The following SAMD11 variants were observed in gnomAD, a reference collection of about 807,000 sequenced individuals.
The protein encoded by SAMD11 is sterile alpha motif domain-containing protein 11.
In SAMD11, 77 loss-of-function variants were observed where a neutral mutation model predicts 64.4. The observed-to-expected ratio is 1.20, with a 90% CI of 0.99 to 1.44. The LOEUF (loss-of-function observed/expected upper bound fraction) is 1.44. SAMD11 is among the 40% of genes most tolerant of loss of function. The pLI is 0.00. For synonymous variants in SAMD11, 658 were observed against 421.9 expected (o/e 1.56, Z -6.86); for missense variants, 1,402 against 943.3 (o/e 1.49, Z -6.37).
At chr1:925,640 C>A in intron 1 of SAMD11, 2 of 349,932 alleles carry the variant, frequency 5.7e-6, no homozygotes, top group South Asian at 6.3e-5. Context: ...TCCCTCGGGG[C>A]CGGGGAGAGG....
At chr1:942,112 CG>C in intron 8 of SAMD11, 23 bp from the exon 9 acceptor site, 1 of 781,602 alleles carries the variant, frequency 1.3e-6, no homozygotes, top group Non-Finnish European at 1.9e-6. Flanking sequence ...GGGGGGACGC[CG>C]CTCATTGCGC....
rs775986332 is a variant in SAMD11, at chr1:942,279, G to C, written c.1474+28G>C. On this transcript the variant is annotated intron_variant, in intron 9 of 13. Transcript: ENST00000616016. Reference sequence around the variant, plus strand: ...GAGGAGGCGGGTGCGCATCCCCTGGGAGCCCGCGTGGAGGCTCGCGGACCC... The same window carrying C: ...GAGGAGGCGGGTGCGCATCCCCTGGCAGCCCGCGTGGAGGCTCGCGGACCC... 13 of 1,054,722 alleles carry C rather than the reference G, an allele frequency of 1.2e-5. No individual in the cohort carries two copies. The African/African-American group carries it at 2.2e-4, about 18-fold the overall frequency. 65.3% of individuals were successfully genotyped at this position (1,054,722 alleles called of 1,614,324 possible).
At chr1:937,080 C>T (rs1641495597) in intron 5 of SAMD11, among the ~76,000 whole-genome samples, 1 of 152,142 alleles carries the variant, frequency 6.6e-6, no homozygotes, top group African/African-American at 2.4e-5. Flanking sequence ...CCTCACGTGT[C>T]CTGGACCCGT....
At chr1:941,368 C>G in intron 8 of SAMD11, 62 bp downstream of exon 8, 1 of 1,418,272 alleles carries the variant, frequency 7.1e-7, no homozygotes, top group Non-Finnish European at 9.3e-7. Flanking sequence ...CCCGCGCTCT[C>G]AGCCACCAGC....
rs374724433 is a variant in SAMD11 at position 931,099 on chromosome 1, G to A, written c.842+10G>A. ...GAGAGGCGTCCTGCAGGTAGGAGCC[G>A]TGCTGTGCGTGCATAAGAGGGGGCC... On this transcript the variant is annotated intron_variant, in intron 4 of 13. Coordinates refer to ENST00000616016, the MANE Select transcript of SAMD11 (RefSeq NM_001385641.1). 65 of 1,611,034 alleles carry A rather than the reference G, an allele frequency of 4.0e-5. No individual in the cohort carries two copies. The highest frequency in any genetic ancestry group is 1.5e-4 in the African/African-American group (11 of 74,902).
intron 4 of SAMD11, among the ~76,000 whole-genome samples, chr1:931,452 A>C (rs935113194): frequency 1.6e-4 from 25 of 152,256 alleles, no homozygotes; most frequent in African/African-American, 6.0e-4. Flanking sequence ...ACCCTCCTAG[A>C]GACCCACAAG....
At chr1:940,647 C>T (rs1275617322) in intron 7 of SAMD11, among the ~76,000 whole-genome samples, 1 of 151,982 alleles carries the variant, frequency 6.6e-6, no homozygotes, top group Non-Finnish European at 1.5e-5. Context: ...CCTGCGCAGC[C>T]GGGACTGGGC....
intron 7 of SAMD11, 115 bp downstream of exon 7, chr1:939,527 G>GT: frequency 1.3e-6 from 2 of 1,536,626 alleles, no homozygotes; most frequent in South Asian, 2.5e-5. Context: ...GGCCATTCCT[G>GT]TTGCTGAGGC....
At chr1:930,434 C>T (rs1343302514) in intron 3 of SAMD11, 98 bp downstream of exon 3, 1 of 1,293,204 alleles carries the variant, frequency 7.7e-7, no homozygotes, top group African/African-American at 1.5e-5. Context: ...CACCGGCCTC[C>T]CACACCTTCC....
intron 8 of SAMD11, among the ~76,000 whole-genome samples, chr1:941,850 C>A (rs990281848): frequency 6.6e-6 from 1 of 152,160 alleles, no homozygotes; most frequent in African/African-American, 2.4e-5. Context: ...CCCCGCTTCC[C>A]CCGCCGCTCG....
Position 940,605 on chromosome 1 carries a change from T to C in SAMD11, c.1196-539T>C, listed in dbSNP as rs113591768. ...CTTAGACGCGGGCGCTGCGTGCGCA[T>C]TGGGGCGAGTGTGGCCACGCGGGAC... On this transcript the variant is annotated intron_variant, in intron 7 of 13. Coordinates refer to ENST00000616016, the MANE Select transcript of SAMD11 (RefSeq NM_001385641.1). 1,290 of 152,424 alleles carry C rather than the reference T, an allele frequency of 8.5e-3. 15 individuals carry two copies. The highest frequency in any genetic ancestry group is 0.028 in the African/African-American group (1,174 of 41,492). 9.4% of individuals were successfully genotyped at this position (152,424 alleles called of 1,614,324 possible). A position where few individuals can be genotyped will look rare whatever the true frequency, so the allele number is the denominator to read the frequency against.
chr1:943,396 T>G lies in SAMD11; in HGVS notation c.2178+19T>G. On this transcript the variant is annotated intron_variant, in intron 12 of 13. Coordinates refer to ENST00000616016, the MANE Select transcript of SAMD11 (RefSeq NM_001385641.1). ...CACTCGGGTAAGGGGGGGCCCCAGT[T>G]CCTGGGGCGGGGCTGGAGCTGGCTG... The G allele has an allele frequency of 6.6e-7, 1 of 1,513,430 alleles. No individual in the cohort carries two copies. Among genetic ancestry groups the G allele is most frequent in the Non-Finnish European group, 8.9e-7 (1 of 1,125,760 alleles). The allele number at this position is 1,513,430 out of a possible 1,614,324, so 93.8% of individuals were successfully genotyped here. A position where few individuals can be genotyped will look rare whatever the true frequency, so the allele number is the denominator to read the frequency against.
In SAMD11 at chr1:939,207, G is replaced by A. The variant is rs1209560284; in HGVS notation, c.1058-68G>A. Reference sequence around the variant, plus strand: ...TGAGGGTCCCCTGGACCTCGAGCAGGCACTCTAGAGGGGCGTGGTCCTCGG... The same window carrying A: ...TGAGGGTCCCCTGGACCTCGAGCAGACACTCTAGAGGGGCGTGGTCCTCGG... On this transcript the variant is annotated intron_variant, in intron 6 of 13. Coordinates refer to ENST00000616016, the MANE Select transcript of SAMD11 (RefSeq NM_001385641.1). 9.0e-6 allele frequency: 14 copies of A among 1,552,696 alleles called. No individual in the cohort carries two copies. The African/African-American group carries it at 1.8e-4, about 20-fold the overall frequency.
intron 5 of SAMD11, among the ~76,000 whole-genome samples, chr1:937,554 G>T (rs999669518): frequency 6.6e-6 from 1 of 152,188 alleles, no homozygotes; most frequent in Non-Finnish European, 1.5e-5. Context: ...GGGCCAGGTG[G>T]CAGGTGTGGA....
At chr1:938,475 G>C (rs1215393091) in intron 5 of SAMD11, among the ~76,000 whole-genome samples, 3 of 152,212 alleles carry the variant, frequency 2.0e-5, no homozygotes, top group Admixed American at 2.0e-4. Flanking sequence ...CCAGAGAGGA[G>C]GACGTGGGCC....
chr1:935,398 C>G (rs914577880), intron 4 of SAMD11, among the ~76,000 whole-genome samples: 5 of 152,100 alleles, frequency 3.3e-5, no homozygotes, highest in African/African-American at 1.2e-4. Context: ...TGCAGGACTG[C>G]CCCTGAGCAG....
In SAMD11 at chr1:942,722, C is replaced by T. The variant is rs1641863134; in HGVS notation, c.1717C>T (p.Leu573=). The part of the protein sequence containing the change: ...LNHGAAPLLA[L]PPQGPPGSGP... ...CCACGGCGCGGCGCCACTGCTGGCC[C>T]TGCCCCCCCAGGGGCCCCCGGGCTC... Residue 573 remains leucine (L), a synonymous_variant, in exon 11 of 14, where the codon CTG becomes TTG. Coordinates refer to ENST00000616016, the MANE Select transcript of SAMD11 (RefSeq NM_001385641.1). 4.1e-6 allele frequency: 6 copies of T among 1,462,534 alleles called. No homozygotes were observed. Among genetic ancestry groups the T allele is most frequent in the African/African-American group, 3.0e-5 (2 of 67,156 alleles). 90.6% of individuals were successfully genotyped at this position (1,462,534 alleles called of 1,614,324 possible). A position where few individuals can be genotyped will look rare whatever the true frequency, so the allele number is the denominator to read the frequency against.
rs1288886615 is a variant in SAMD11 at position 942,414 on chromosome 1, C to T, written c.1479C>T (p.Tyr493=). ...VPSALCQTPG[Y]GFLPPAQAEM... is the part of the protein sequence containing the mutation. ...CGTTGTCCCCCTCCCCACCAGGCTA[C>T]GGCTTCCTGCCCCCCGCGCAGGCGG... is the stretch of plus-strand genomic sequence containing the variant. The change falls in exon 10 of 14, where the codon TAC becomes TAT. Residue 493 remains tyrosine (Y), a synonymous_variant. Transcript: ENST00000616016. 18 of 1,476,830 alleles carry T rather than the reference C, an allele frequency of 1.2e-5. No individual in the cohort carries two copies. The highest frequency in any genetic ancestry group is 2.3e-5 in the Admixed American group (1 of 43,938). The allele number at this position is 1,476,830 out of a possible 1,614,324, so 91.5% of individuals were successfully genotyped here.
chr1:944,499 C>T lies in SAMD11; in HGVS notation c.*346C>T, dbSNP rs1642028141. 4.8e-6 allele frequency: 3 copies of T among 631,170 alleles called. No homozygotes were observed. The highest frequency in any genetic ancestry group is 2.1e-5 in the South Asian group (1 of 47,810). The allele number at this position is 631,170 out of a possible 1,614,324, so 39.1% of individuals were successfully genotyped here. ...GCAGCCCACAGCTGTGGGGCTTCAG[C>T]AGCCACACCAGCCCAGCCCAGCCCA... On this transcript the variant is annotated 3_prime_UTR_variant, in exon 14 of 14. Transcript: ENST00000616016.
Sources: gnomAD v4.1 joint callset for allele counts (sites outside exome capture counted in the v4.1 genomes callset) on GRCh38, gnomAD v4.1.1 for gene constraint, MANE v1.5 for transcripts, NCBI Gene and HGNC (gene_info 2026-07-23, HGNC 2026-07-21) for gene names.